The following GRAMD2B variants were observed in gnomAD, a reference collection of about 807,000 sequenced individuals.
GRAMD2B encodes the protein GRAM domain-containing protein 2B.
Under a neutral mutation model 59.2 loss-of-function variants are expected in GRAMD2B, and 41 were observed. That is an observed-to-expected ratio of 0.69 (90% CI 0.54 to 0.90). GRAMD2B has a LOEUF of 0.90. Ranked by LOEUF, GRAMD2B falls within the 40% of genes least tolerant of loss-of-function variation. GRAMD2B has a pLI of 0.00. For missense variants in GRAMD2B, 424 were observed against 500.5 expected (o/e 0.85, Z 1.46); for synonymous variants, 161 against 182.7 (o/e 0.88, Z 0.96).
Position 126,423,690 on chromosome 5 carries a change from G to T in GRAMD2B, c.83+1G>T. On this transcript the variant is annotated splice_donor_variant, in intron 1 of 13. Transcript: ENST00000285689. LOFTEE classifies it high-confidence loss of function. ...GGGAGAGCAAACTTGGCTCAGCCCA[G>T]TGAGTATTCTCAGCTGGGACCCATC... 1 of 1,605,560 alleles carries T rather than the reference G, an allele frequency of 6.2e-7. No individual in the cohort carries two copies. The highest frequency in any genetic ancestry group is 8.5e-7 in the Non-Finnish European group (1 of 1,176,622).
At chr5:126,433,681 T>C (rs532154573) in intron 1 of GRAMD2B, 13 of 152,378 alleles carry the variant, frequency 8.5e-5, no homozygotes, top group Admixed American at 3.9e-4. Flanking sequence ...CAGTTGAAGC[T>C]CTACGTCCTA....
At chr5:126,471,810 C>T (rs1169664587) in intron 3 of GRAMD2B, among the ~76,000 whole-genome samples, 2 of 152,186 alleles carry the variant, frequency 1.3e-5, no homozygotes, top group African/African-American at 4.8e-5. Context: ...GAGCTAGAGC[C>T]ACTACAGCCA....
At chr5:126,369,522 C>T (rs1754635402), upstream of GRAMD2B, among the ~76,000 whole-genome samples, 1 of 152,040 alleles carries the variant, frequency 6.6e-6, no homozygotes, top group South Asian at 2.1e-4. Context: ...CTTTCTATCG[C>T]TTTTATTTTT....
chr5:126,468,924 G>A (rs918920551), intron 2 of GRAMD2B, among the ~76,000 whole-genome samples: 3 of 152,010 alleles, frequency 2.0e-5, no homozygotes, highest in African/African-American at 4.8e-5. Context: ...ATACACAGGC[G>A]CCTTAAGGAT....
intron 1 of GRAMD2B, among the ~76,000 whole-genome samples, chr5:126,416,737 C>T (rs1580861614): frequency 6.6e-6 from 1 of 152,196 alleles, no homozygotes; most frequent in East Asian, 1.9e-4. Context: ...TGTACCTTCG[C>T]TCTTCCCTCT....
chr5:126,486,948 A>G lies in GRAMD2B; in HGVS notation c.1134A>G (p.Leu378=), dbSNP rs1368421946. ...INTLEEQLGL[L]TSIVDTHNTE... is the part of the protein sequence containing the mutation. Reference sequence around the variant, plus strand: ...CTCTGGAGGAGCAGCTGGGGTTACTAACCTCCATTGTGGACACCCATAATA... The same window carrying G: ...CTCTGGAGGAGCAGCTGGGGTTACTGACCTCCATTGTGGACACCCATAATA... Residue 378 remains leucine (L), a synonymous_variant, in exon 12 of 14, where the codon CTA becomes CTG. Transcript: ENST00000285689. 2 of 1,609,174 alleles carry G rather than the reference A, an allele frequency of 1.2e-6. No individual in the cohort carries two copies. Among genetic ancestry groups the G allele is most frequent in the South Asian group, 2.2e-5 (2 of 90,918 alleles).
intron 1 of GRAMD2B, 102 bp downstream of exon 1, chr5:126,423,791 T>A (rs1760085434): frequency 1.8e-6 from 2 of 1,137,816 alleles, no homozygotes; most frequent in Non-Finnish European, 2.5e-6. Flanking sequence ...TTTCTGGAGC[T>A]CCTATATGGA....
chr5:126,479,701 C>T (rs1771352892), intron 6 of GRAMD2B, among the ~76,000 whole-genome samples: 2 of 152,136 alleles, frequency 1.3e-5, no homozygotes, highest in Admixed American at 6.5e-5. Context: ...ATAGTACTTG[C>T]TCGGAAATAA....
chr5:126,474,606 T>A (rs543032116), intron 5 of GRAMD2B, among the ~76,000 whole-genome samples: 1 of 152,332 alleles, frequency 6.6e-6, no homozygotes, highest in African/African-American at 2.4e-5. Flanking sequence ...GATATAGTTC[T>A]CAGGAATTCA....
chr5:126,383,374 C>A (rs1173003984), intron 1 of GRAMD2B, among the ~76,000 whole-genome samples: 1 of 152,168 alleles, frequency 6.6e-6, no homozygotes, highest in East Asian at 1.9e-4. Context: ...ATGTGGAAGA[C>A]CTAGCATGGA....
At chr5:126,462,385 T>C (rs1168115602) in intron 1 of GRAMD2B, 1 of 984,702 alleles carries the variant, frequency 1.0e-6, no homozygotes, top group Non-Finnish European at 1.2e-6. Context: ...AAACACACGC[T>C]AGCCTCTGCT....
At chr5:126,454,231 C>T (rs1431463973) in intron 1 of GRAMD2B, among the ~76,000 whole-genome samples, 1 of 152,132 alleles carries the variant, frequency 6.6e-6, no homozygotes, top group African/African-American at 2.4e-5. Context: ...CGATCTGGTG[C>T]TCAATAGAAA....
chr5:126,418,323 C>A (rs1759430545), intron 1 of GRAMD2B, among the ~76,000 whole-genome samples: 1 of 152,198 alleles, frequency 6.6e-6, no homozygotes, highest in African/African-American at 2.4e-5. Context: ...GTTTCTGTGG[C>A]ATCATTTATT....
At chr5:126,386,165 G>C (rs1756109722) in intron 1 of GRAMD2B, among the ~76,000 whole-genome samples, 3 of 152,130 alleles carry the variant, frequency 2.0e-5, no homozygotes, top group South Asian at 4.2e-4. Flanking sequence ...TGATTTAGTA[G>C]TGACTCTTGT....
intron 1 of GRAMD2B, among the ~76,000 whole-genome samples, chr5:126,438,901 G>C (rs1461127728): frequency 2.6e-5 from 4 of 152,196 alleles, no homozygotes; most frequent in Non-Finnish European, 5.9e-5. Context: ...TTTTCTCTGA[G>C]GCTGAAACAC....
chr5:126,442,542 T>G (rs1356580123), intron 1 of GRAMD2B, among the ~76,000 whole-genome samples: 1 of 152,162 alleles, frequency 6.6e-6, no homozygotes, highest in Admixed American at 6.5e-5. Context: ...TCCACCCGCC[T>G]TGGCCTCCCA....
intron 1 of GRAMD2B, among the ~76,000 whole-genome samples, chr5:126,402,545 A>G (rs374530258): frequency 7.8e-4 from 118 of 152,154 alleles, no homozygotes; most frequent in African/African-American, 2.7e-3. Context: ...AACCACCTTT[A>G]TAATTTTCTT....
At chr5:126,370,934 C>T (rs549501531), upstream of GRAMD2B, among the ~76,000 whole-genome samples, 8 of 152,338 alleles carry the variant, frequency 5.3e-5, no homozygotes, top group East Asian at 1.5e-3. Context: ...CTTAAAACTG[C>T]TGTACATCTG....
At chr5:126,465,790 G>T (rs946707359) in intron 2 of GRAMD2B, among the ~76,000 whole-genome samples, 17 of 152,304 alleles carry the variant, frequency 1.1e-4, no homozygotes, top group Non-Finnish European at 2.5e-4. Context: ...ATGAGGCCAG[G>T]GTGGACCCCT....
Sources: gnomAD v4.1 joint callset for allele counts (sites outside exome capture counted in the v4.1 genomes callset) on GRCh38, gnomAD v4.1.1 for gene constraint, MANE v1.5 for transcripts, NCBI Gene and HGNC (gene_info 2026-07-23, HGNC 2026-07-21) for gene names.